The following PUDP variants were observed in gnomAD, a reference collection of about 807,000 sequenced individuals.
PUDP encodes pseudouridine 5'-phosphatase.
PUDP carries 8 observed loss-of-function variants against 9.4 expected under a neutral mutation model. The ratio of observed to expected loss-of-function variants is 0.85; its 90% CI spans 0.50 to 1.53. The LOEUF is 1.53. Ranked by LOEUF, PUDP falls within the 40% of genes most tolerant of loss-of-function variation. The pLI, the probability that PUDP is intolerant of heterozygous loss-of-function variation, is 0.00. For synonymous variants in PUDP, 99 were observed against 80.7 expected, an observed-to-expected ratio of 1.23 and a Z score of -1.22; for missense variants, 188 against 189.7, an observed-to-expected ratio of 0.99 and a Z score of 0.05.
rs200511647 is a variant in PUDP at position 7,077,354 on chromosome X, G to A, written c.376C>T (p.Arg126Cys). The change falls in exon 3 of 4, where the codon CGC becomes TGC. Residue 126 changes from arginine to cysteine, a missense_variant. Physicochemically the swap from Arg to Cys is radical, Grantham distance 180. Coordinates refer to ENST00000381077, the MANE Select transcript of PUDP (RefSeq NM_012080.5). ...AACAAGCTGAAGAACTCCTTGTGGCGGCTTGTCTTCATATCGAACGACGCG... is the reference window on the plus strand; with the variant it reads ...AACAAGCTGAAGAACTCCTTGTGGCAGCTTGTCTTCATATCGAACGACGCG... ...GSASFDMKTS[R>C]HKEFFSLFSH... 65 of 1,208,841 alleles carry A rather than the reference G, an allele frequency of 5.4e-5. 1 individual carries two copies. The East Asian group carries it at 7.4e-4, about 14-fold the overall frequency.
intron 1 of PUDP, among the ~76,000 whole-genome samples, chrX:7,016,602 C>T (rs963739865): frequency 1.5e-4 from 17 of 111,179 alleles, no homozygotes; most frequent in Middle Eastern, 4.6e-3. Flanking sequence ...TGGTCTATAC[C>T]TTTCTCTATG....
intron 1 of PUDP, chrX:7,116,957 C>T: frequency 8.6e-7 from 1 of 1,166,253 alleles, no homozygotes; most frequent in Non-Finnish European, 1.1e-6. Context: ...CATGCCTGCT[C>T]CTGCTTACCC....
At chrX:6,931,569 A>C (rs1228722511) in intron 3 of PUDP, among the ~76,000 whole-genome samples, 2 of 112,204 alleles carry the variant, frequency 1.8e-5, no homozygotes, top group Non-Finnish European at 1.9e-5. Context: ...TGTAGCCAAT[A>C]AAATAATTGC....
intron 3 of PUDP, among the ~76,000 whole-genome samples, chrX:6,864,761 G>C (rs1448180427): frequency 9.0e-6 from 1 of 111,684 alleles, no homozygotes; most frequent in African/African-American, 3.3e-5. Context: ...TGTTGGCCAA[G>C]TATTTCTCAA....
At chrX:6,948,543 G>T (rs1016390783) in intron 3 of PUDP, among the ~76,000 whole-genome samples, 2 of 112,209 alleles carry the variant, frequency 1.8e-5, no homozygotes, top group Non-Finnish European at 3.8e-5. Context: ...TTCTAATTCA[G>T]CAGAGCTGGG....
At chrX:6,719,964 T>A (rs1602597845) in intron 1 of PUDP, among the ~76,000 whole-genome samples, 1 of 109,731 alleles carries the variant, frequency 9.1e-6, no homozygotes, top group African/African-American at 3.3e-5. Flanking sequence ...TTTGCATATA[T>A]ATCCGAGGGA....
chrX:6,950,174 C>A (rs1167378764), intron 3 of PUDP, among the ~76,000 whole-genome samples: 1 of 106,866 alleles, frequency 9.4e-6, no homozygotes, highest in Non-Finnish European at 1.9e-5. Flanking sequence ...CCTGTCTCTA[C>A]TAAAAATACA....
At chrX:6,751,193 G>C (rs1276859781) in intron 3 of PUDP, among the ~76,000 whole-genome samples, 1 of 110,773 alleles carries the variant, frequency 9.0e-6, no homozygotes, top group East Asian at 2.8e-4. Flanking sequence ...AAGAAAGAAA[G>C]AAAGAAAGAA....
intron 1 of PUDP, among the ~76,000 whole-genome samples, chrX:6,995,064 T>C (rs759342023): frequency 1.8e-5 from 2 of 111,442 alleles, no homozygotes; most frequent in East Asian, 5.6e-4. Context: ...CATAGACTTA[T>C]GAGAATATTA....
chrX:7,047,504 G>C, downstream of PUDP, among the ~76,000 whole-genome samples: 1 of 111,873 alleles, frequency 8.9e-6, no homozygotes, highest in East Asian at 2.8e-4. Context: ...AGAATATTTT[G>C]AGCCATCCTG....
At chrX:6,839,915 C>T (rs1194226844) in intron 3 of PUDP, among the ~76,000 whole-genome samples, 2 of 110,683 alleles carry the variant, frequency 1.8e-5, no homozygotes, top group Non-Finnish European at 3.8e-5. Flanking sequence ...CCCATACACA[C>T]AAAAAAACTG....
At chrX:7,136,431 T>C (rs1194361107) in intron 1 of PUDP, among the ~76,000 whole-genome samples, 3 of 112,104 alleles carry the variant, frequency 2.7e-5, no homozygotes, top group Non-Finnish European at 5.6e-5. Context: ...GTCTCCTGCA[T>C]GATTACTCTA....
At chrX:6,760,855 A>G (rs1196763580) in intron 3 of PUDP, among the ~76,000 whole-genome samples, 1 of 112,255 alleles carries the variant, frequency 8.9e-6, no homozygotes, top group African/African-American at 3.2e-5. Flanking sequence ...TCATTAGCAG[A>G]TCAGACTTAC....
chrX:6,997,050 A>G (rs973342229), intron 1 of PUDP, among the ~76,000 whole-genome samples: 1 of 111,913 alleles, frequency 8.9e-6, no homozygotes, highest in Non-Finnish European at 1.9e-5. Context: ...AAAATAAATA[A>G]ATAAACAAAA....
intron 3 of PUDP, among the ~76,000 whole-genome samples, chrX:6,792,989 A>C (rs1261343545): frequency 1.8e-5 from 2 of 112,902 alleles, no homozygotes; most frequent in East Asian, 5.6e-4. Flanking sequence ...TAACTGTCTC[A>C]GTCTGTTCGT....
Position 6,846,973 on chromosome X carries a change from A to C in PUDP, c.*247+130160T>G, listed in dbSNP as rs1267115832. ...TAGTTCAGGGTCATAATCCATCTAA[A>C]GTCCAGCTATGCTGACCTAAAACTA... On this transcript the variant is annotated intron_variant and NMD_transcript_variant, in intron 3 of 3. Transcript: ENST00000655425. 5.4e-5 allele frequency among the ~76,000 whole-genome samples: 6 copies of C among 111,652 alleles called. No homozygotes were observed. In the East Asian group the frequency reaches 1.7e-3, roughly 32 times the overall value.
intron 3 of PUDP, among the ~76,000 whole-genome samples, chrX:6,954,191 G>C (rs1209194242): frequency 9.0e-6 from 1 of 111,217 alleles, no homozygotes; most frequent in Non-Finnish European, 1.9e-5. Flanking sequence ...TTAGTAGGGT[G>C]AGAATGGACT....
chrX:6,781,692 G>A (rs374829143), intron 3 of PUDP, among the ~76,000 whole-genome samples: 1 of 112,279 alleles, frequency 8.9e-6, no homozygotes, highest in Non-Finnish European at 1.9e-5. Flanking sequence ...CCTTTGTAAA[G>A]TTCCAGGAGA....
intron 3 of PUDP, among the ~76,000 whole-genome samples, chrX:6,847,579 G>T (rs1926768209): frequency 8.9e-6 from 1 of 112,127 alleles, no homozygotes; most frequent in South Asian, 3.7e-4. Flanking sequence ...TCTGCCACTT[G>T]GCTATTTTGT....
Sources: gnomAD v4.1 joint callset for allele counts (sites outside exome capture counted in the v4.1 genomes callset) on GRCh38, gnomAD v4.1.1 for gene constraint, MANE v1.5 for transcripts, NCBI Gene and HGNC (gene_info 2026-07-23, HGNC 2026-07-21) for gene names.